The following CRACD variants were observed in gnomAD, a reference collection of about 807,000 sequenced individuals.
CRACD encodes the protein capping protein-inhibiting regulator of actin dynamics.
Under a neutral mutation model 106.8 loss-of-function variants are expected in CRACD, and 56 were observed. The ratio of observed to expected loss-of-function variants is 0.52; its 90% CI spans 0.42 to 0.66. The LOEUF (loss-of-function observed/expected upper bound fraction) is 0.66, where lower values mean the gene tolerates loss of function less well. Among genes scored for constraint, CRACD ranks in the 30% least tolerant of loss-of-function variants. CRACD has a pLI of 0.00. For synonymous variants in CRACD, 754 were observed against 670.8 expected (o/e 1.12, Z -1.92); for missense variants, 1,730 against 1,623.2 (o/e 1.07, Z -1.13).
At chr4:56,086,378 A>G (rs567542358) in intron 1 of CRACD, among the ~76,000 whole-genome samples, 4 of 152,014 alleles carry the variant, frequency 2.6e-5, no homozygotes, top group Admixed American at 6.5e-5. Context: ...CCTGGCCTCA[A>G]GCAATCCTCC....
chr4:56,197,526 C>G (rs1034726791), intron 2 of CRACD, among the ~76,000 whole-genome samples: 5 of 152,156 alleles, frequency 3.3e-5, no homozygotes, highest in Non-Finnish European at 7.4e-5. Context: ...CCCCACATCA[C>G]CAACACACAC....
At chr4:56,151,111 C>A (rs955173473) in intron 1 of CRACD, among the ~76,000 whole-genome samples, 11 of 152,304 alleles carry the variant, frequency 7.2e-5, no homozygotes, top group African/African-American at 2.6e-4. Context: ...ATTCTCCTGC[C>A]TCAGCCTCCC....
At chr4:56,138,708 C>T (rs533110308) in intron 1 of CRACD, among the ~76,000 whole-genome samples, 2 of 152,246 alleles carry the variant, frequency 1.3e-5, no homozygotes, top group African/African-American at 4.8e-5. Context: ...GGTTATCATC[C>T]CGCATCAGGA....
At chr4:56,067,952 C>T (rs2109792875) in intron 1 of CRACD, among the ~76,000 whole-genome samples, 1 of 152,284 alleles carries the variant, frequency 6.6e-6, no homozygotes, top group East Asian at 1.9e-4. Flanking sequence ...TGAGTGTTTA[C>T]TATTTGGCCA....
chr4:56,061,917 T>TA (rs1159493498), intron 1 of CRACD, among the ~76,000 whole-genome samples: 1 of 152,240 alleles, frequency 6.6e-6, no homozygotes, highest in East Asian at 1.9e-4. Flanking sequence ...ATGTAGTTCT[T>TA]ACAGTTTTGA....
At chr4:56,135,937 C>T (rs956245373) in intron 1 of CRACD, among the ~76,000 whole-genome samples, 6 of 152,166 alleles carry the variant, frequency 3.9e-5, no homozygotes. Flanking sequence ...TCTACTCACA[C>T]CCTAGAAAAC....
chr4:56,087,528 C>CTGAT (rs1733270953), intron 1 of CRACD, among the ~76,000 whole-genome samples: 1 of 152,144 alleles, frequency 6.6e-6, no homozygotes, highest in African/African-American at 2.4e-5. Context: ...TGCAGTTTAC[C>CTGAT]TGATTCTTTC....
chr4:56,172,606 G>A (rs993382184), intron 1 of CRACD, among the ~76,000 whole-genome samples: 28 of 151,196 alleles, frequency 1.9e-4, no homozygotes, highest in African/African-American at 6.8e-4. Flanking sequence ...GGGATTACAG[G>A]CATGTGCCAC....
intron 3 of CRACD, among the ~76,000 whole-genome samples, chr4:56,274,492 C>T (rs1233227945): frequency 3.3e-5 from 5 of 152,178 alleles, no homozygotes; most frequent in Non-Finnish European, 7.3e-5. Context: ...CCTGGAGGTT[C>T]TCTTCCCATT....
Position 56,130,771 on chromosome 4 carries a change from C to T in CRACD, c.-335-48513C>T, listed in dbSNP as rs190631993. On this transcript the variant is annotated intron_variant, in intron 1 of 10. Coordinates refer to ENST00000682029, the MANE Select transcript of CRACD (RefSeq NM_001393381.1). The stretch of plus-strand genomic sequence containing the variant: ...ATTGGCTTTCTGCCAACCTTATTTA[C>T]ATTTTCCTTCTATTCCACCCCATGA... Among the ~76,000 whole-genome samples, 8 of 152,112 alleles carry T rather than the reference C, an allele frequency of 5.3e-5. No individual in the cohort carries two copies. The East Asian group carries it at 1.5e-3, about 29-fold the overall frequency.
chr4:56,071,123 C>G (rs980048714), intron 1 of CRACD, among the ~76,000 whole-genome samples: 4 of 151,998 alleles, frequency 2.6e-5, no homozygotes, highest in African/African-American at 9.7e-5. Context: ...GCATGATAGC[C>G]CTATTTGTAC....
chr4:56,128,341 C>T (rs187335916), intron 1 of CRACD, among the ~76,000 whole-genome samples: 70 of 152,248 alleles, frequency 4.6e-4, no homozygotes, highest in African/African-American at 1.5e-3. Flanking sequence ...TCTGAGAACA[C>T]GATTGAGAGC....
At chr4:56,087,646 A>C (rs917295791) in intron 1 of CRACD, among the ~76,000 whole-genome samples, 2 of 152,224 alleles carry the variant, frequency 1.3e-5, no homozygotes, top group East Asian at 3.9e-4. Flanking sequence ...TCCCATCTGA[A>C]TATTTTCTCC....
At chr4:56,288,693 A>G (rs1180051607) in intron 3 of CRACD, 2 of 152,244 alleles carry the variant, frequency 1.3e-5, no homozygotes, top group Non-Finnish European at 1.5e-5. Context: ...GGTGGAGGAG[A>G]TCAAGATGAT....
chr4:56,309,654 G>T (rs1315336853), intron 5 of CRACD, among the ~76,000 whole-genome samples: 1 of 152,154 alleles, frequency 6.6e-6, no homozygotes, highest in Non-Finnish European at 1.5e-5. Flanking sequence ...AGGAGTTCGA[G>T]ATCAGCCTGG....
rs751995704 is a variant in CRACD at position 56,314,646 on chromosome 4, C to T, written c.1144C>T (p.Pro382Ser). Residue 382 changes from proline (P) to serine (S), a missense_variant, in exon 8 of 11, where the codon CCG (proline) becomes TCG (serine). By Grantham distance (74) the Pro-to-Ser change is moderately conservative. Transcript: ENST00000682029. This position sits in a 1 kb window ranked among gnomAD's most constrained non-coding sequence, Gnocchi z 4.4. ...LEQQEAEVQG[P>S]PEALEETGEG... The stretch of plus-strand genomic sequence containing the variant: ...ACAGCAGGAGGCGGAGGTGCAGGGG[C>T]CGCCCGAGGCGTTGGAGGAGACTGG... 6.5e-7 allele frequency: 1 copy of T among 1,543,484 alleles called. No individual in the cohort carries two copies. Among genetic ancestry groups the T allele is most frequent in the Non-Finnish European group, 8.7e-7 (1 of 1,143,102 alleles).
At chr4:56,105,476 G>T (rs940864587) in intron 1 of CRACD, among the ~76,000 whole-genome samples, 1 of 152,186 alleles carries the variant, frequency 6.6e-6, no homozygotes, top group Admixed American at 6.5e-5. Flanking sequence ...TCCAGCATGG[G>T]CAACAGAATG....
intron 4 of CRACD, among the ~76,000 whole-genome samples, chr4:56,304,422 T>A (rs1744558012): frequency 6.6e-6 from 1 of 152,042 alleles, no homozygotes; most frequent in African/African-American, 2.4e-5. Context: ...TTTTGCCTTA[T>A]TCTTTTTTTG....
chr4:56,197,361 C>G (rs1276307590), intron 2 of CRACD, among the ~76,000 whole-genome samples: 1 of 151,950 alleles, frequency 6.6e-6, no homozygotes, highest in Non-Finnish European at 1.5e-5. Flanking sequence ...CAGAGTTTCT[C>G]TCCCTTTAAA....
Sources: allele counts gnomAD v4.1 joint callset (sites outside exome capture counted in the v4.1 genomes callset), GRCh38; gene constraint gnomAD v4.1.1; non-coding constraint Gnocchi (gnomAD v3.1); transcripts MANE v1.5; gene names NCBI Gene and HGNC (gene_info 2026-07-23, HGNC 2026-07-21).